Variants in LRP6 observed in about 807,000 individuals in gnomAD.
The protein encoded by LRP6 is low-density lipoprotein receptor-related protein 6.
Under a neutral mutation model 184.1 loss-of-function variants are expected in LRP6, and 43 were observed. The observed-to-expected ratio is 0.23, with a 90% CI of 0.18 to 0.30. The LOEUF (loss-of-function observed/expected upper bound fraction) is 0.30, where lower values mean the gene tolerates loss of function less well. Among genes scored for constraint, LRP6 ranks in the 10% least tolerant of loss-of-function variants. The probability of loss-of-function intolerance (pLI) is 1.00; values close to 1 mark genes in which losing one functional copy is unlikely to be tolerated. For synonymous variants in LRP6, 719 were observed against 684.9 expected (o/e 1.05, Z -0.78); for missense variants, 1,571 against 2,005.3 (o/e 0.78, Z 4.14).
At chr12:12,263,550 CA>C (rs71061036) in intron 1 of LRP6, among the ~76,000 whole-genome samples, 32 of 135,866 alleles carry the variant, frequency 2.4e-4, no homozygotes, top group Non-Finnish European at 2.7e-4. Context: ...GAATCCGTCT[CA>C]AAAAAAAAAA....
chr12:12,266,637 C>G (rs754236295), intron 1 of LRP6, 44 bp downstream of exon 1: 37 of 1,522,214 alleles, frequency 2.4e-5, no homozygotes, highest in Non-Finnish European at 3.2e-5. Context: ...AAGGCCACCT[C>G]CCCCCGAACC....
chr12:12,130,477 C>A (rs1213516610), intron 19 of LRP6, among the ~76,000 whole-genome samples: 1 of 152,188 alleles, frequency 6.6e-6, no homozygotes, highest in Non-Finnish European at 1.5e-5. Flanking sequence ...TGAGCCACCA[C>A]GCCCGGCTGA....
At chr12:12,146,783 AC>A (rs1262954280) in intron 15 of LRP6, among the ~76,000 whole-genome samples, 1 of 152,204 alleles carries the variant, frequency 6.6e-6, no homozygotes, top group African/African-American at 2.4e-5. Context: ...AGGGAGATCA[AC>A]CAGAGGCTAG....
intron 17 of LRP6, 139 bp downstream of exon 17, chr12:12,135,036 C>A: frequency 1.7e-6 from 2 of 1,199,038 alleles, no homozygotes; most frequent in Non-Finnish European, 2.4e-6. Context: ...AAGCCTAGTA[C>A]AATACAAATG....
intron 9 of LRP6, among the ~76,000 whole-genome samples, chr12:12,163,274 G>T (rs981983129): frequency 1.3e-5 from 2 of 152,008 alleles, no homozygotes; most frequent in Admixed American, 1.3e-4. Context: ...ACCGCACCCA[G>T]CCACCCCCCA....
At chr12:12,231,138 G>T (rs1328989997) in intron 2 of LRP6, among the ~76,000 whole-genome samples, 3 of 113,094 alleles carry the variant, frequency 2.7e-5, no homozygotes, top group African/African-American at 1.0e-4. Context: ...CCGAGATCGT[G>T]ACACTACACT....
chr12:12,170,445 T>C (rs1863002462), intron 7 of LRP6, among the ~76,000 whole-genome samples: 2 of 149,448 alleles, frequency 1.3e-5, no homozygotes, highest in African/African-American at 5.2e-5. Context: ...TTAATGACAT[T>C]TATGGTTTTT....
chr12:12,227,849 A>AT (rs773119798), intron 2 of LRP6, among the ~76,000 whole-genome samples: 1 of 152,194 alleles, frequency 6.6e-6, no homozygotes, highest in Non-Finnish European at 1.5e-5. Context: ...AATTAGGAGT[A>AT]TTTTGTTTCA....
Position 12,266,958 on chromosome 12 carries a change from C to T in LRP6, c.-223G>A, listed in dbSNP as rs1301087796. On this transcript the variant is annotated 5_prime_UTR_variant, in exon 1 of 23. Transcript: ENST00000261349. ...GCTCGCGCGACGCCAGCGTCTGCTT[C>T]CATCCCGCCGCCTCCTCCCCCGGCG... 4 of 551,854 alleles carry T rather than the reference C, an allele frequency of 7.2e-6. No homozygotes were observed. The highest frequency in any genetic ancestry group is 4.1e-5 in the African/African-American group (2 of 49,154). 34.2% of individuals were successfully genotyped at this position (551,854 alleles called of 1,614,324 possible).
At chr12:12,225,898 G>A (rs1430009840) in intron 2 of LRP6, among the ~76,000 whole-genome samples, 1 of 151,618 alleles carries the variant, frequency 6.6e-6, no homozygotes, top group African/African-American at 2.4e-5. Flanking sequence ...AGAGAGACCT[G>A]AGAAAAATAC....
rs1591901646 is a variant in LRP6, at chr12:12,162,280, A to C, written c.2192T>G (p.Val731Gly). 6.2e-7 allele frequency: 1 copy of C among 1,613,948 alleles called. No individual in the cohort carries two copies. The highest frequency in any genetic ancestry group is 8.5e-7 in the Non-Finnish European group (1 of 1,179,974). Reference protein sequence around the residue: ...WADTGTNRIEVSKLDGQHRQV... With the variant: ...WADTGTNRIEGSKLDGQHRQV... Reference sequence around the variant, plus strand: ...TCGGTGCTGCCCATCCAACTTTGACACCTCAATTCGATTCGTTCCTGTGTC... The same window carrying C: ...TCGGTGCTGCCCATCCAACTTTGACCCCTCAATTCGATTCGTTCCTGTGTC... The change falls in exon 10 of 23, where the codon GTG (valine) becomes GGG (glycine). Residue 731 changes from valine (V) to glycine (G), a missense_variant. This residue lies in a region of LRP6 where 158 missense variants were observed against 258.4 expected (regional missense o/e 0.61). Coordinates refer to ENST00000261349, the MANE Select transcript of LRP6 (RefSeq NM_002336.3).
intron 15 of LRP6, among the ~76,000 whole-genome samples, chr12:12,140,428 A>C (rs1002776507): frequency 6.6e-6 from 1 of 152,048 alleles, no homozygotes; most frequent in South Asian, 2.1e-4. Flanking sequence ...AAGGTTCAGC[A>C]TAAAAATAAA....
Position 12,116,433 on chromosome 12 carries a change from T to A in LRP6, c.*4693A>T, listed in dbSNP as rs1039232572. The A allele has an allele frequency of 3.3e-5, 5 of 152,220 alleles. No individual in the cohort carries two copies. Among genetic ancestry groups the A allele is most frequent in the African/African-American group, 1.2e-4 (5 of 41,452 alleles). The allele number at this position is 152,220 out of a possible 1,614,324, so 9.4% of individuals were successfully genotyped here. ...ACATTTTTCCTTACTAATCCATATATTTAATTTCATGTCATATTGGATTTA... is the reference window on the plus strand; with the variant it reads ...ACATTTTTCCTTACTAATCCATATAATTAATTTCATGTCATATTGGATTTA... On this transcript the variant is annotated 3_prime_UTR_variant, in exon 23 of 23. Coordinates refer to ENST00000261349, the MANE Select transcript of LRP6 (RefSeq NM_002336.3).
intron 2 of LRP6, among the ~76,000 whole-genome samples, chr12:12,218,614 T>C (rs1196761345): frequency 1.3e-5 from 2 of 151,706 alleles, no homozygotes; most frequent in Middle Eastern, 3.2e-3. Context: ...GAAATGTAAA[T>C]CAAAACCTCA....
intron 12 of LRP6, chr12:12,155,419 C>G (rs1280517964): frequency 5.7e-6 from 5 of 879,810 alleles, no homozygotes; most frequent in East Asian, 4.8e-5. Flanking sequence ...AAGGAATGCC[C>G]CACAAGTGTT....
chr12:12,159,435 T>C (rs1862687626), intron 11 of LRP6, among the ~76,000 whole-genome samples: 1 of 152,210 alleles, frequency 6.6e-6, no homozygotes, highest in South Asian at 2.1e-4. Context: ...AATGTGGTTT[T>C]ATTTTCTCTA....
At chr12:12,254,874 C>A (rs1291560675) in intron 1 of LRP6, among the ~76,000 whole-genome samples, 1 of 152,126 alleles carries the variant, frequency 6.6e-6, no homozygotes, top group Non-Finnish European at 1.5e-5. Flanking sequence ...GACAGGAATT[C>A]ACCCAAATTT....
At chr12:12,259,919 G>A (rs1022974012) in intron 1 of LRP6, among the ~76,000 whole-genome samples, 3 of 152,106 alleles carry the variant, frequency 2.0e-5, no homozygotes, top group African/African-American at 7.2e-5. Flanking sequence ...TCCACCAACT[G>A]AATAATTGTT....
intron 12 of LRP6, among the ~76,000 whole-genome samples, chr12:12,152,071 T>C (rs1950088713): frequency 6.6e-6 from 1 of 152,108 alleles, no homozygotes; most frequent in Admixed American, 6.5e-5. Flanking sequence ...TCTCATGTGT[T>C]GTGGGAGGGA....
Sources: gnomAD v4.1 joint callset for allele counts (sites outside exome capture counted in the v4.1 genomes callset) on GRCh38, gnomAD v4.1.1 for gene constraint, gnomAD v4.1.1 regional missense constraint, MANE v1.5 for transcripts, NCBI Gene and HGNC (gene_info 2026-07-23, HGNC 2026-07-21) for gene names.